CLASP1: variants seen among roughly 807,000 people sequenced by gnomAD.
CLASP1 encodes cytoplasmic linker associated protein 1, also known as CLIP-associating protein 1.
A neutral mutation model predicts 192.3 loss-of-function variants in CLASP1; 38 were observed. That is an observed-to-expected ratio of 0.20 (90% confidence interval 0.15 to 0.26). The LOEUF (loss-of-function observed/expected upper bound fraction) is 0.26. Ranked by LOEUF, CLASP1 falls within the 10% of genes least tolerant of loss-of-function variation. The pLI, the probability that CLASP1 is intolerant of heterozygous loss-of-function variation, is 1.00. For missense variants in CLASP1, 1,433 were observed against 1,932.5 expected (o/e 0.74, Z 4.85); for synonymous variants, 691 against 712.8 (o/e 0.97, Z 0.49).
intron 37 of CLASP1, among the ~76,000 whole-genome samples, chr2:121,357,790 G>T (rs114967396): frequency 0.014 from 2,170 of 152,306 alleles, 51 homozygotes; most frequent in African/African-American, 0.049. Context: ...AAAATGGTAA[G>T]TCTCCTGCCA....
chr2:121,344,280 C>A (rs562275826), intron 39 of CLASP1, among the ~76,000 whole-genome samples: 1 of 152,178 alleles, frequency 6.6e-6, no homozygotes. Context: ...CTTCATCAGA[C>A]CTCTTCGTAC....
intron 2 of CLASP1, among the ~76,000 whole-genome samples, chr2:121,542,218 T>G (rs990457317): frequency 6.6e-6 from 1 of 152,244 alleles, no homozygotes; most frequent in Non-Finnish European, 1.5e-5. Flanking sequence ...AAAACGATGA[T>G]GGATGCACAC....
intron 23 of CLASP1, among the ~76,000 whole-genome samples, chr2:121,412,872 A>G (rs1229288062): frequency 6.6e-6 from 1 of 152,202 alleles, no homozygotes; most frequent in East Asian, 1.9e-4. Flanking sequence ...CAAGGCTCTG[A>G]TACTATTATG....
intron 8 of CLASP1, among the ~76,000 whole-genome samples, chr2:121,481,254 G>C (rs980615883): frequency 5.3e-5 from 8 of 152,068 alleles, no homozygotes; most frequent in African/African-American, 1.9e-4. Flanking sequence ...ATAGAAGTGA[G>C]GAATTAGGAA....
intron 2 of CLASP1, among the ~76,000 whole-genome samples, chr2:121,582,116 T>C (rs1043851880): frequency 3.3e-5 from 5 of 150,200 alleles, no homozygotes; most frequent in African/African-American, 9.8e-5. Flanking sequence ...TGAGCCAAGA[T>C]CGTGCCACTC....
exon 6 of CLASP1, chr2:121,525,889 T>C (rs2094563153): frequency 6.2e-7 from 1 of 1,613,440 alleles, no homozygotes; most frequent in South Asian, 1.1e-5. Flanking sequence ...TGTGGCACAA[T>C]CTTGCTTAGT....
chr2:121,599,587 CAAAAAAAAA>C (rs763909303), intron 2 of CLASP1, among the ~76,000 whole-genome samples: 1 of 41,200 alleles, frequency 2.4e-5, no homozygotes, highest in African/African-American at 9.3e-5. Flanking sequence ...GACTCCATCT[CAAAAAAAAA>C]AAAAAAAAAA....
At chr2:121,387,976 TA>T (rs966015342) in intron 30 of CLASP1, 70 bp from the exon 32 acceptor site, 155 of 1,206,844 alleles carry the variant, frequency 1.3e-4, no homozygotes, top group East Asian at 8.3e-4. Flanking sequence ...TAAAGTTGTT[TA>T]AAAAAATATT....
chr2:121,515,745 T>A, exon 7 of CLASP1: 1 of 1,613,910 alleles, frequency 6.2e-7, no homozygotes, highest in Non-Finnish European at 8.5e-7. Flanking sequence ...CTAAGCTGTT[T>A]ATTGCTGCAT....
At chr2:121,384,493 T>C (rs936416202) in intron 32 of CLASP1, among the ~76,000 whole-genome samples, 7 of 152,164 alleles carry the variant, frequency 4.6e-5, no homozygotes, top group Non-Finnish European at 8.8e-5. Flanking sequence ...CAGCCACTAG[T>C]GATATTTTTA....
At chr2:121,520,543 G>T (rs1272737435) in intron 6 of CLASP1, among the ~76,000 whole-genome samples, 1 of 152,268 alleles carries the variant, frequency 6.6e-6, no homozygotes, top group Non-Finnish European at 1.5e-5. Flanking sequence ...TCCAGCTGGA[G>T]ACAGCATGGA....
At chr2:121,360,199 T>TA (rs1173630151) in intron 37 of CLASP1, among the ~76,000 whole-genome samples, 1 of 152,226 alleles carries the variant, frequency 6.6e-6, no homozygotes, top group African/African-American at 2.4e-5. Context: ...TGCCGAGTCT[T>TA]ACGCTCTTCA....
At chr2:121,597,107 T>A (rs1463244094) in intron 2 of CLASP1, among the ~76,000 whole-genome samples, 1 of 152,192 alleles carries the variant, frequency 6.6e-6, no homozygotes, top group Non-Finnish European at 1.5e-5. Context: ...ACATCATACG[T>A]GTTTAATTAA....
chr2:121,526,097 C>T, intron 5 of CLASP1, 177 bp from the exon 6 acceptor site: 1 of 610,976 alleles, frequency 1.6e-6, no homozygotes, highest in Non-Finnish European at 2.9e-6. Context: ...GGCCCCTTTG[C>T]ACAGAGTTCA....
intron 12 of CLASP1, chr2:121,459,539 G>A (rs531215888): frequency 6.5e-6 from 1 of 154,100 alleles, no homozygotes; most frequent in East Asian, 1.9e-4. Context: ...CTAACACAAA[G>A]TTTTAATAGC....
chr2:121,635,375 A>G (rs549893939), intron 1 of CLASP1, among the ~76,000 whole-genome samples: 1 of 152,286 alleles, frequency 6.6e-6, no homozygotes, highest in Non-Finnish European at 1.5e-5. Flanking sequence ...TGTTTCCACT[A>G]TTAATAATAA....
In CLASP1 at chr2:121,478,866, A is replaced by ACAC. The variant is rs2092192304; in HGVS notation, c.713-8909_713-8907dup. On this transcript the variant is annotated intron_variant, in intron 8 of 39. Coordinates refer to ENST00000263710, the Ensembl canonical transcript of CLASP1. Reference sequence around the variant, plus strand: ...ACACACACCACACACCACACCACACACACACCACACCACACACACACCACA... The same window carrying ACAC: ...ACACACACCACACACCACACCACACACACCACACCACACCACACACACACCACA... Among the ~76,000 whole-genome samples the ACAC allele has an allele frequency of 4.0e-5, 3 of 75,384 alleles. No individual in the cohort carries two copies. In the Admixed American group the frequency reaches 4.5e-4, roughly 11 times the overall value. 49.5% of individuals were successfully genotyped at this position (75,384 alleles called of 152,430 possible).
At chr2:121,401,258 A>C (rs116444275) in intron 28 of CLASP1, among the ~76,000 whole-genome samples, 1 of 152,362 alleles carries the variant, frequency 6.6e-6, no homozygotes, top group African/African-American at 2.4e-5. Context: ...ATCAATTTCC[A>C]AAGTTTTACA....
At chr2:121,369,368 CAG>C (rs1158331001) in intron 34 of CLASP1, among the ~76,000 whole-genome samples, 2 of 152,210 alleles carry the variant, frequency 1.3e-5, no homozygotes, top group South Asian at 4.1e-4. Context: ...CAAATCTTAA[CAG>C]AGGTTTTCTC....
Sources: gnomAD v4.1 joint callset for allele counts (sites outside exome capture counted in the v4.1 genomes callset) on GRCh38, gnomAD v4.1.1 for gene constraint, MANE v1.5 for transcripts, NCBI Gene and HGNC (gene_info 2026-07-23, HGNC 2026-07-21) for gene names.